The following LRP1 variants were observed in gnomAD, a reference collection of about 807,000 sequenced individuals.
The protein encoded by LRP1 is LDL receptor related protein 1.
LRP1 carries 51 observed loss-of-function variants against 541.5 expected under a neutral mutation model. The ratio of observed to expected loss-of-function variants is 0.09; its 90% CI spans 0.08 to 0.12. LRP1 has a LOEUF of 0.12. LRP1 is among the 10% of genes least tolerant of loss of function. The pLI, the probability that LRP1 is intolerant of heterozygous loss-of-function variation, is 1.00. For synonymous variants in LRP1, 2,219 were observed against 2,470.8 expected, an observed-to-expected ratio of 0.90 and a Z score of 3.02; for missense variants, 3,878 against 6,376.2, an observed-to-expected ratio of 0.61 and a Z score of 13.34.
At position 57,173,442 on chromosome 12, in the gene LRP1, C is replaced by A; in HGVS notation, c.3346+92C>A. ...CAGAGTAGCGGCAAAGGGGATGGCACTGTGCTGTGTGGAGTGGTGCTGGGG... is the reference window on the plus strand; with the variant it reads ...CAGAGTAGCGGCAAAGGGGATGGCAATGTGCTGTGTGGAGTGGTGCTGGGG... On this transcript the variant is annotated intron_variant, in intron 21 of 88. Transcript: ENST00000243077. The surrounding 1 kb of genome is among the most constrained non-coding windows in gnomAD (Gnocchi z 4.7). The A allele has an allele frequency of 7.2e-7, 1 of 1,380,726 alleles. No individual in the cohort carries two copies. Among genetic ancestry groups the A allele is most frequent in the Non-Finnish European group, 1.0e-6 (1 of 1,002,158 alleles). 85.5% of individuals were successfully genotyped at this position (1,380,726 alleles called of 1,614,324 possible). A position where few individuals can be genotyped will look rare whatever the true frequency, so the allele number is the denominator to read the frequency against.
intron 20 of LRP1, among the ~76,000 whole-genome samples, chr12:57,169,798 C>G (rs2136691710): frequency 6.6e-6 from 1 of 152,348 alleles, no homozygotes; most frequent in South Asian, 2.1e-4. Flanking sequence ...GAGGGCCTGG[C>G]TCCACAAGGC....
intron 1 of LRP1, among the ~76,000 whole-genome samples, chr12:57,134,806 C>G (rs1296290868): frequency 6.6e-6 from 1 of 152,160 alleles, no homozygotes; most frequent in Admixed American, 6.5e-5. Flanking sequence ...CCCTGGTTCA[C>G]GCCATTCTCC....
intron 13 of LRP1, among the ~76,000 whole-genome samples, chr12:57,161,972 TGTGTGTGTGTGCGCGCACGCATATGA>T (rs1457507696): frequency 1.3e-5 from 2 of 151,354 alleles, no homozygotes; most frequent in Admixed American, 6.6e-5. Flanking sequence ...TGCTCATTAG[TGTGTGTGTGTGCGCGCACGCATATGA>T]GTGTGTGTGT....
rs2035852404 is a variant in LRP1, at chr12:57,166,936, C to G, written c.2804C>G (p.Thr935Ser). Residue 935 changes from threonine (T) to serine (S), a missense_variant, in exon 18 of 89, where the codon ACC becomes AGC. Physicochemically the swap from Thr to Ser is moderately conservative, Grantham distance 58 (BLOSUM62 1). Around this residue, in one of 13 missense-constraint regions of LRP1, gnomAD observed 29 missense variants for 20.7 expected, o/e 1.40. Coordinates refer to ENST00000243077, the MANE Select transcript of LRP1 (RefSeq NM_002332.3). Reference sequence around the variant, plus strand: ...ACCCATCCCTGCCCCCCAGCCCGCACCTGCCCCCCCAACCAGTTCTCCTGT... The same window carrying G: ...ACCCATCCCTGCCCCCCAGCCCGCAGCTGCCCCCCCAACCAGTTCTCCTGT... ...DESNATCSARTCPPNQFSCAS... is the reference protein window; with the variant it reads ...DESNATCSARSCPPNQFSCAS... 1.2e-6 allele frequency: 2 copies of G among 1,609,710 alleles called. No homozygotes were observed. Among genetic ancestry groups the G allele is most frequent in the East Asian group, 4.5e-5 (2 of 44,874 alleles).
chr12:57,180,203 C>T, intron 31 of LRP1, 62 bp downstream of exon 31: 2 of 1,576,604 alleles, frequency 1.3e-6, no homozygotes, highest in Middle Eastern at 1.7e-4. Context: ...CAGGTGCTTG[C>T]AGGGTCCTTC....
chr12:57,148,323 T>A (rs868811301), intron 6 of LRP1, among the ~76,000 whole-genome samples: 3 of 152,212 alleles, frequency 2.0e-5, no homozygotes, highest in Admixed American at 6.5e-5. Flanking sequence ...TAGCGCAAGC[T>A]GTACATAAGC....
At position 57,136,601 on chromosome 12, in the gene LRP1, T is replaced by C. The variant is rs1004658057; in HGVS notation, c.68-1858T>C. 3.3e-5 allele frequency among the ~76,000 whole-genome samples: 5 copies of C among 152,060 alleles called. No homozygotes were observed. In the South Asian group the frequency reaches 6.2e-4, roughly 19 times the overall value. ...AGAATAGAAATGTGATGGCACAGTCTGAGGAAAAGCCACGAAAGGCCAGGA... is the reference window on the plus strand; with the variant it reads ...AGAATAGAAATGTGATGGCACAGTCCGAGGAAAAGCCACGAAAGGCCAGGA... On this transcript the variant is annotated intron_variant, in intron 1 of 88. Transcript: ENST00000243077.
At position 57,205,103 on chromosome 12, in the gene LRP1, C is replaced by T; in HGVS notation, c.11195-6C>T. 6.2e-7 allele frequency: 1 copy of T among 1,612,222 alleles called. No homozygotes were observed. ...ACCCAGGGCCTAAAGCCTCTGCCCTCCTCAGAGCCCCCCACAGCCCACACC... is the reference window on the plus strand; with the variant it reads ...ACCCAGGGCCTAAAGCCTCTGCCCTTCTCAGAGCCCCCCACAGCCCACACC... On this transcript the variant is annotated splice_polypyrimidine_tract_variant and splice_region_variant and intron_variant, in intron 72 of 88. Coordinates refer to ENST00000243077, the MANE Select transcript of LRP1 (RefSeq NM_002332.3). The surrounding 1 kb of genome is among the most constrained non-coding windows in gnomAD (Gnocchi z 4.6).
rs147846383 is a variant in LRP1, at chr12:57,195,677, C to T, written c.8457C>T (p.Asp2819=). The change falls in exon 53 of 89, where the codon GAC becomes GAT. Residue 2819 remains aspartate, a synonymous_variant. Transcript: ENST00000243077. ...CCACAGTGTACAACAGCACTTGTGA[C>T]GACCGTGAGTTCATGTGCCAGAACC... The part of the protein sequence containing the change: ...AAGCLYNSTC[D]DREFMCQNRQ... 2,880 of 1,614,086 alleles carry T rather than the reference C, an allele frequency of 1.8e-3. 1 individual carries two copies. Among genetic ancestry groups the T allele is most frequent in the Non-Finnish European group, 2.2e-3 (2,617 of 1,180,024 alleles).
rs1405058258 is a variant in LRP1, at chr12:57,201,446, C to T, written c.10346-51C>T. 6.4e-7 allele frequency: 1 copy of T among 1,565,262 alleles called. No homozygotes were observed. Among genetic ancestry groups the T allele is most frequent in the South Asian group, 1.2e-5 (1 of 83,480 alleles). On this transcript the variant is annotated intron_variant, in intron 65 of 88. Transcript: ENST00000243077. The surrounding 1 kb of genome is among the most constrained non-coding windows in gnomAD (Gnocchi z 6.4). ...AGAGAGAGAAGACAGTGATGGTGAA[C>T]TGGAGTGGCAGGTGTAAGGGAGGGC... is the stretch of plus-strand genomic sequence containing the variant.
rs779988089 is a variant in LRP1, at chr12:57,190,795, CT to C, written c.7032-8del. Reference sequence around the variant, plus strand: ...CTTTGCCTCCTGATCTCTGGACCCTCTTCCCCCAGCCTCATGTTCTGGACCA... The same window carrying C: ...CTTTGCCTCCTGATCTCTGGACCCTCTCCCCCAGCCTCATGTTCTGGACCA... On this transcript the variant is annotated splice_polypyrimidine_tract_variant and intron_variant, in intron 42 of 88. Transcript: ENST00000243077. The C allele has an allele frequency of 6.2e-7, 1 of 1,613,196 alleles. No homozygotes were observed. The highest frequency in any genetic ancestry group is 2.2e-5 in the East Asian group (1 of 44,880).
chr12:57,176,451 ACTTC>A (rs1435286197), intron 24 of LRP1, among the ~76,000 whole-genome samples: 1 of 152,164 alleles, frequency 6.6e-6, no homozygotes, highest in African/African-American at 2.4e-5. Context: ...TGCACCCCAG[ACTTC>A]CTTCAGTCAC....
At position 57,208,138 on chromosome 12, in the gene LRP1, T is replaced by A; in HGVS notation, c.11960T>A (p.Met3987Lys). The A allele has an allele frequency of 6.2e-7, 1 of 1,614,114 alleles. No individual in the cohort carries two copies. The highest frequency in any genetic ancestry group is 8.5e-7 in the Non-Finnish European group (1 of 1,180,014). ...SGRDVIEVAQ[M>K]KGENRKTLIS... ...CGAGATGTGATTGAGGTGGCGCAGA[T>A]GAAGGGCGAGAACCGCAAGACGCTC... The change falls in exon 77 of 89, where the codon ATG becomes AAG. Residue 3987 changes from methionine (M) to lysine (K), a missense_variant. Physicochemically the swap from Met to Lys is moderately conservative, Grantham distance 95. This residue lies in a region of LRP1 where 871 missense variants were observed against 1,212.4 expected (regional missense o/e 0.72). Coordinates refer to ENST00000243077, the MANE Select transcript of LRP1 (RefSeq NM_002332.3).
rs2036913007 is a variant in LRP1 at position 57,211,420 on chromosome 12, T to A, written c.13092-67T>A. On this transcript the variant is annotated intron_variant, in intron 84 of 88. Coordinates refer to ENST00000243077, the MANE Select transcript of LRP1 (RefSeq NM_002332.3). This position sits in a 1 kb window ranked among gnomAD's most constrained non-coding sequence, Gnocchi z 4.3. ...CCCTGTCCTAGCCCTGCCCTGCCCC[T>A]CCCTTCCTCAGCATCCCAGGCACGC... 1 of 1,607,976 alleles carries A rather than the reference T, an allele frequency of 6.2e-7. No individual in the cohort carries two copies. Among genetic ancestry groups the A allele is most frequent in the Admixed American group, 1.7e-5 (1 of 59,918 alleles).
At chr12:57,170,695 C>T (rs12371684) in intron 20 of LRP1, among the ~76,000 whole-genome samples, 12,278 of 152,184 alleles carry the variant, frequency 0.081, 588 homozygotes, top group Middle Eastern at 0.12. Flanking sequence ...GAGGCACATG[C>T]CTGTAGTCCC....
At chr12:57,135,679 A>G (rs538659291) in intron 1 of LRP1, among the ~76,000 whole-genome samples, 15 of 152,124 alleles carry the variant, frequency 9.9e-5, no homozygotes, top group South Asian at 4.2e-4. Context: ...CTGCTGTGGG[A>G]TAGGGGCCTG....
intron 76 of LRP1, among the ~76,000 whole-genome samples, chr12:57,207,426 GA>G (rs2036807967): frequency 6.6e-6 from 1 of 151,870 alleles, no homozygotes; most frequent in African/African-American, 2.4e-5. Flanking sequence ...TTTGAACCCA[GA>G]AGGTGGAAGT....
chr12:57,180,206 G>A lies in LRP1; in HGVS notation c.5236+65G>A, dbSNP rs535573850. On this transcript the variant is annotated intron_variant, in intron 31 of 88. Transcript: ENST00000243077. ...TTCCTTGACCAGCAGGTGCTTGCAG[G>A]GTCCTTCAGTTGCCCCTCAGCCTCC... 196 of 1,582,782 alleles carry A rather than the reference G, an allele frequency of 1.2e-4. 2 individuals carry two copies. Among genetic ancestry groups the A allele is most frequent in the Non-Finnish European group, 1.5e-4 (169 of 1,152,572 alleles).
At chr12:57,145,578 A>G (rs2035389178) in intron 6 of LRP1, 88 bp downstream of exon 6, 1 of 1,512,788 alleles carries the variant, frequency 6.6e-7, no homozygotes, top group South Asian at 1.2e-5. Context: ...GCCGGGAGTT[A>G]CACAGGATGG....
Sources: gnomAD v4.1 joint callset for allele counts (sites outside exome capture counted in the v4.1 genomes callset) on GRCh38, gnomAD v4.1.1 for gene constraint, gnomAD v4.1.1 regional missense constraint, Gnocchi (gnomAD v3.1) non-coding constraint, MANE v1.5 for transcripts, NCBI Gene and HGNC (gene_info 2026-07-23, HGNC 2026-07-21) for gene names.